The following PLXNA2 variants were observed in gnomAD, a reference collection of about 807,000 sequenced individuals.
PLXNA2 encodes plexin A2.
A neutral mutation model predicts 193.5 loss-of-function variants in PLXNA2; 91 were observed. That is an observed-to-expected ratio of 0.47 (90% confidence interval 0.40 to 0.56). The LOEUF (loss-of-function observed/expected upper bound fraction) is 0.56, where lower values mean the gene tolerates loss of function less well. PLXNA2 is among the 20% of genes least tolerant of loss of function. The pLI, the probability that PLXNA2 is intolerant of heterozygous loss-of-function variation, is 0.00. For synonymous variants in PLXNA2, 997 were observed against 1,027.3 expected (o/e 0.97, Z 0.56); for missense variants, 1,995 against 2,503.2 (o/e 0.80, Z 4.33).
Position 208,082,915 on chromosome 1 carries a change from T to A in PLXNA2, c.2299-407A>T, listed in dbSNP as rs1420765059. Among the ~76,000 whole-genome samples, 3 of 152,140 alleles carry A rather than the reference T, an allele frequency of 2.0e-5. No homozygotes were observed. Among genetic ancestry groups the A allele is most frequent in the Non-Finnish European group, 4.4e-5 (3 of 68,010 alleles). ...CCCCAGGAGTCCTCTCCCACAACCCTGCAGATCTGCCTCAAACTGTCCATC... is the reference window on the plus strand; with the variant it reads ...CCCCAGGAGTCCTCTCCCACAACCCAGCAGATCTGCCTCAAACTGTCCATC... On this transcript the variant is annotated intron_variant, in intron 10 of 31. Transcript: ENST00000367033. This position sits in a 1 kb window ranked among gnomAD's most constrained non-coding sequence, Gnocchi z 4.2.
At chr1:208,189,076 A>C (rs1367576431) in intron 3 of PLXNA2, among the ~76,000 whole-genome samples, 1 of 152,212 alleles carries the variant, frequency 6.6e-6, no homozygotes, top group Non-Finnish European at 1.5e-5. Context: ...AGCGCAAAGA[A>C]AAGGGCAAAA....
rs139125204 is a variant in PLXNA2 at position 208,215,633 on chromosome 1, TGATGGATG to T, written c.1188+1094_1188+1101del. On this transcript the variant is annotated intron_variant, in intron 2 of 31. Coordinates refer to ENST00000367033, the MANE Select transcript of PLXNA2 (RefSeq NM_025179.4). Reference sequence around the variant, plus strand: ...ATAGGTGAATAGATGGATGGATGGATGATGGATGGATGGATGGATGGAGAGATGCATGG... The same window carrying T: ...ATAGGTGAATAGATGGATGGATGGATGATGGATGGATGGAGAGATGCATGG... Among the ~76,000 whole-genome samples, 15 of 150,878 alleles carry T rather than the reference TGATGGATG, an allele frequency of 9.9e-5. No individual in the cohort carries two copies. In the East Asian group the frequency reaches 1.4e-3, roughly 14 times the overall value.
rs749304770 is a variant in PLXNA2 at position 208,042,376 on chromosome 1, G to A, written c.4018-10C>T. On this transcript the variant is annotated splice_polypyrimidine_tract_variant and intron_variant, in intron 21 of 31. Coordinates refer to ENST00000367033, the MANE Select transcript of PLXNA2 (RefSeq NM_025179.4). ...GCCCGTTTCCTTGTACCTGGGGTGG[G>A]GTGTGGTGGAGGCGACGCCCTCAGA... is the stretch of plus-strand genomic sequence containing the variant. 6.2e-7 allele frequency: 1 copy of A among 1,611,302 alleles called. No individual in the cohort carries two copies. The highest frequency in any genetic ancestry group is 1.3e-5 in the African/African-American group (1 of 74,984).
At chr1:208,120,233 G>A (rs1667765432) in intron 4 of PLXNA2, among the ~76,000 whole-genome samples, 1 of 152,200 alleles carries the variant, frequency 6.6e-6, no homozygotes, top group African/African-American at 2.4e-5. Context: ...TAACTAGTTG[G>A]AAGAGCATAA....
chr1:208,073,983 A>T (rs1466248507), intron 12 of PLXNA2, among the ~76,000 whole-genome samples: 4 of 152,174 alleles, frequency 2.6e-5, no homozygotes, highest in Non-Finnish European at 5.9e-5. Flanking sequence ...CAGACCTCCA[A>T]ATATATTCAG....
chr1:208,212,842 G>A (rs962525179), intron 2 of PLXNA2, among the ~76,000 whole-genome samples: 1 of 152,238 alleles, frequency 6.6e-6, no homozygotes, highest in South Asian at 2.1e-4. Flanking sequence ...TGGCTAAGAT[G>A]AAAGTGATCC....
At chr1:208,123,316 G>A (rs916306055) in intron 4 of PLXNA2, among the ~76,000 whole-genome samples, 3 of 152,222 alleles carry the variant, frequency 2.0e-5, no homozygotes, top group Admixed American at 6.5e-5. Context: ...ACATAAGCAA[G>A]TGTCATGATG....
chr1:208,057,064 G>T (rs1665453973), intron 13 of PLXNA2, among the ~76,000 whole-genome samples: 1 of 152,304 alleles, frequency 6.6e-6, no homozygotes, highest in South Asian at 2.1e-4. Context: ...TAGGGCAGCT[G>T]CAGGGAGTGG....
At chr1:208,150,449 C>A (rs536726929) in intron 3 of PLXNA2, among the ~76,000 whole-genome samples, 2 of 152,224 alleles carry the variant, frequency 1.3e-5, no homozygotes, top group African/African-American at 4.8e-5. Context: ...AGGGAGGAGT[C>A]CCCAGAGGAC....
intron 9 of PLXNA2, among the ~76,000 whole-genome samples, chr1:208,091,795 G>A (rs962147446): frequency 2.6e-5 from 4 of 151,522 alleles, no homozygotes; most frequent in Admixed American, 6.6e-5. Context: ...GCTTGAACCC[G>A]GGAGGCAGAG....
intron 3 of PLXNA2, among the ~76,000 whole-genome samples, chr1:208,167,002 T>C (rs1356752096): frequency 6.6e-6 from 1 of 152,132 alleles, no homozygotes; most frequent in Non-Finnish European, 1.5e-5. Flanking sequence ...GTTCCCAAAA[T>C]AGAGAGCAGA....
chr1:208,236,320 G>A lies in PLXNA2; in HGVS notation c.-81+7323C>T, dbSNP rs534066680. 1.3e-5 allele frequency among the ~76,000 whole-genome samples: 2 copies of A among 152,166 alleles called. No homozygotes were observed. Among genetic ancestry groups the A allele is most frequent in the Non-Finnish European group, 2.9e-5 (2 of 68,022 alleles). ...CAGTCAGGGGAGGTGGGAGGTCAGA[G>A]GCCAACGTAATATTTACCCAGCCTA... On this transcript the variant is annotated intron_variant, in intron 1 of 31. Coordinates refer to ENST00000367033, the MANE Select transcript of PLXNA2 (RefSeq NM_025179.4). The surrounding 1 kb of genome is among the most constrained non-coding windows in gnomAD (Gnocchi z 4.4).
At position 208,217,974 on chromosome 1, in the gene PLXNA2, C is replaced by T. The variant is rs1671199871; in HGVS notation, c.-52G>A. On this transcript the variant is annotated 5_prime_UTR_variant, in exon 2 of 32. Coordinates refer to ENST00000367033, the MANE Select transcript of PLXNA2 (RefSeq NM_025179.4). This position sits in a 1 kb window ranked among gnomAD's most constrained non-coding sequence, Gnocchi z 4.7. ...GGCTCCTGTGTGTGCTCATCTGCTCCACCTTCCCCGGTTGGCCCTCACATG... is the reference window on the plus strand; with the variant it reads ...GGCTCCTGTGTGTGCTCATCTGCTCTACCTTCCCCGGTTGGCCCTCACATG... The T allele has an allele frequency of 1.4e-5, 23 of 1,587,734 alleles. No individual in the cohort carries two copies. The highest frequency in any genetic ancestry group is 1.8e-5 in the Non-Finnish European group (21 of 1,173,636).
Position 208,166,137 on chromosome 1 carries a change from A to G in PLXNA2, c.1372-23674T>C, listed in dbSNP as rs75608454. ...GTTTCTCACATTAAACACAACACAG[A>G]AAGGAATCAACCACAATAGTGAGAT... On this transcript the variant is annotated intron_variant, in intron 3 of 31. Coordinates refer to ENST00000367033, the MANE Select transcript of PLXNA2 (RefSeq NM_025179.4). Among the ~76,000 whole-genome samples the G allele has an allele frequency of 2.4e-3, 373 of 152,344 alleles. 2 individuals are homozygous for G. Among genetic ancestry groups the G allele is most frequent in the African/African-American group, 8.5e-3 (354 of 41,574 alleles).
chr1:208,210,642 C>T lies in PLXNA2; in HGVS notation c.1189-180G>A, dbSNP rs139441359. 4.6e-3 allele frequency among the ~76,000 whole-genome samples: 698 copies of T among 152,292 alleles called. 6 individuals carry two copies. Among genetic ancestry groups the T allele is most frequent in the South Asian group, 9.3e-3 (45 of 4,830 alleles). The stretch of plus-strand genomic sequence containing the variant: ...CTTCTCACCAGCTCACCCACAAATT[C>T]CATGTTGGTTCTTATGAAGCCAGAT... On this transcript the variant is annotated intron_variant, in intron 2 of 31. Transcript: ENST00000367033.
intron 2 of PLXNA2, among the ~76,000 whole-genome samples, chr1:208,214,053 C>T (rs1024459673): frequency 6.6e-6 from 1 of 152,146 alleles, no homozygotes; most frequent in Non-Finnish European, 1.5e-5. Context: ...AAGCATTTAA[C>T]CCTTACGGAG....
intron 3 of PLXNA2, among the ~76,000 whole-genome samples, chr1:208,171,919 T>C (rs1669507079): frequency 6.6e-6 from 1 of 151,568 alleles, no homozygotes; most frequent in African/African-American, 2.4e-5. Flanking sequence ...TGGTGAGAAT[T>C]AATTTAAGAA....
chr1:208,120,548 C>A (rs144491670), intron 4 of PLXNA2, among the ~76,000 whole-genome samples: 3 of 152,186 alleles, frequency 2.0e-5, no homozygotes, highest in African/African-American at 7.2e-5. Flanking sequence ...CTTGCCAATG[C>A]GGTACTTTGG....
chr1:208,193,859 T>C (rs1450655605), intron 3 of PLXNA2, among the ~76,000 whole-genome samples: 1 of 145,392 alleles, frequency 6.9e-6, no homozygotes, highest in Admixed American at 7.5e-5. Flanking sequence ...ATTGCACAAC[T>C]GTACTGCAGC....
Sources: gnomAD v4.1 joint callset for allele counts (sites outside exome capture counted in the v4.1 genomes callset) on GRCh38, gnomAD v4.1.1 for gene constraint, Gnocchi (gnomAD v3.1) non-coding constraint, MANE v1.5 for transcripts, NCBI Gene and HGNC (gene_info 2026-07-23, HGNC 2026-07-21) for gene names.